The following DCC variants were observed in gnomAD, a reference collection of about 807,000 sequenced individuals.
The protein encoded by DCC is DCC netrin 1 receptor.
DCC carries 58 observed loss-of-function variants against 172.5 expected under a neutral mutation model. That is an observed-to-expected ratio of 0.34 (90% CI 0.27 to 0.42). The LOEUF is 0.42. DCC is among the 10% of genes least tolerant of loss of function. The pLI is 1.00. For synonymous variants in DCC, 709 were observed against 644.5 expected, an observed-to-expected ratio of 1.10 and a Z score of -1.52; for missense variants, 1,740 against 1,791.0, an observed-to-expected ratio of 0.97 and a Z score of 0.51.
At chr18:52,819,986 C>T (rs961869081) in intron 2 of DCC, among the ~76,000 whole-genome samples, 2 of 152,118 alleles carry the variant, frequency 1.3e-5, no homozygotes, top group African/African-American at 2.4e-5. Context: ...TCCCAAAGTG[C>T]TGGGATTACA....
chr18:53,342,600 CTT>C (rs996297048), intron 15 of DCC, among the ~76,000 whole-genome samples: 2 of 150,356 alleles, frequency 1.3e-5, no homozygotes, highest in Non-Finnish European at 3.0e-5. Context: ...TAAAGTATAT[CTT>C]TATAATTTCT....
intron 2 of DCC, among the ~76,000 whole-genome samples, chr18:52,794,998 T>C (rs1299784123): frequency 1.3e-5 from 2 of 152,096 alleles, no homozygotes; most frequent in African/African-American, 4.8e-5. Context: ...TGATGTATTA[T>C]CTTTTCAATG....
rs568882676 is a variant in DCC, at chr18:53,021,028, G to A, written c.986-42277G>A. 4.6e-5 allele frequency among the ~76,000 whole-genome samples: 7 copies of A among 152,214 alleles called. No homozygotes were observed. The East Asian group carries it at 7.7e-4, about 17-fold the overall frequency. ...AACCAGCTGTGGCTTAGAAGCCAGG[G>A]AGCAGAGAGGAAAATATCCTGACCA... is the stretch of plus-strand genomic sequence containing the variant. On this transcript the variant is annotated intron_variant, in intron 5 of 28. Coordinates refer to ENST00000442544, the MANE Select transcript of DCC (RefSeq NM_005215.4).
intron 1 of DCC, among the ~76,000 whole-genome samples, chr18:52,545,427 T>C (rs1377605383): frequency 6.6e-6 from 1 of 152,146 alleles, no homozygotes; most frequent in Non-Finnish European, 1.5e-5. Flanking sequence ...CCAATCATAG[T>C]GTAACTTTTT....
intron 1 of DCC, among the ~76,000 whole-genome samples, chr18:52,345,200 G>C (rs2144228573): frequency 6.6e-6 from 1 of 152,220 alleles, no homozygotes; most frequent in South Asian, 2.1e-4. Context: ...TCTTAGCTTT[G>C]CCTGAGGCCA....
chr18:52,794,150 T>A (rs7233401), intron 2 of DCC, among the ~76,000 whole-genome samples: 9 of 151,974 alleles, frequency 5.9e-5, no homozygotes, highest in Non-Finnish European at 1.3e-4. Context: ...TGTTTCCACA[T>A]AAATTTTAGT....
At chr18:53,314,714 C>A (rs2057323733) in intron 13 of DCC, among the ~76,000 whole-genome samples, 2 of 152,100 alleles carry the variant, frequency 1.3e-5, no homozygotes, top group Non-Finnish European at 2.9e-5. Flanking sequence ...CACAGCCCAG[C>A]AAAGTTGAAG....
At chr18:52,665,260 T>C (rs982282419) in intron 1 of DCC, among the ~76,000 whole-genome samples, 1 of 152,166 alleles carries the variant, frequency 6.6e-6, no homozygotes, top group Admixed American at 6.5e-5. Context: ...GTTAGAATAT[T>C]TGGGTTTGCT....
chr18:52,723,820 TGAACC>T (rs1156894481), intron 1 of DCC, among the ~76,000 whole-genome samples: 2 of 152,040 alleles, frequency 1.3e-5, no homozygotes, highest in Non-Finnish European at 2.9e-5. Context: ...ACAGATGAAA[TGAACC>T]AGAGAGGTAA....
In DCC at chr18:53,162,616, A is replaced by G. The variant is rs541142604; in HGVS notation, c.1418+5104A>G. On this transcript the variant is annotated intron_variant, in intron 8 of 28. Coordinates refer to ENST00000442544, the MANE Select transcript of DCC (RefSeq NM_005215.4). ...CCTAAATATTCAAGAATCTTCCTCT[A>G]TTGAGATCTTTGCGCTTGCTCTTCA... Among the ~76,000 whole-genome samples the G allele has an allele frequency of 4.6e-5, 7 of 152,218 alleles. No homozygotes were observed. In the East Asian group the frequency reaches 1.2e-3, roughly 25 times the overall value.
chr18:52,529,659 C>A (rs998052643), intron 1 of DCC, among the ~76,000 whole-genome samples: 1 of 152,202 alleles, frequency 6.6e-6, no homozygotes, highest in Non-Finnish European at 1.5e-5. Flanking sequence ...AAGTCCATTT[C>A]CTTTTCCTCA....
rs187981189 is a variant in DCC, at chr18:53,019,863, C to T, written c.986-43442C>T. 4.6e-5 allele frequency among the ~76,000 whole-genome samples: 7 copies of T among 152,160 alleles called. No individual in the cohort carries two copies. The East Asian group carries it at 7.7e-4, about 17-fold the overall frequency. ...AAGCCTAACATGTTTATTGTCTGAC[C>T]CTTTACAAAAAGGACCTTCATTGAC... On this transcript the variant is annotated intron_variant, in intron 5 of 28. Transcript: ENST00000442544.
intron 1 of DCC, among the ~76,000 whole-genome samples, chr18:52,610,179 ATATATATATATATATATATAT>A (rs1238979237): frequency 0.025 from 216 of 8,748 alleles, 31 homozygotes; most frequent in Non-Finnish European, 0.031. Flanking sequence ...AAAAAAAAAA[ATATATATATATATATATATAT>A]ATATATATAT....
intron 17 of DCC, among the ~76,000 whole-genome samples, chr18:53,394,452 C>T (rs186520672): frequency 1.8e-4 from 28 of 152,118 alleles, no homozygotes; most frequent in African/African-American, 5.8e-4. Context: ...TTTTGATTGT[C>T]TAAAACCCTG....
chr18:53,424,082 C>A (rs967471016), intron 21 of DCC, among the ~76,000 whole-genome samples: 3 of 152,100 alleles, frequency 2.0e-5, no homozygotes, highest in Non-Finnish European at 4.4e-5. Flanking sequence ...AATAGAAAAA[C>A]AAGTTCTCTG....
At chr18:53,008,163 ATTTGT>A (rs2041673519) in intron 5 of DCC, among the ~76,000 whole-genome samples, 1 of 151,882 alleles carries the variant, frequency 6.6e-6, no homozygotes. Flanking sequence ...TCTTTTTGTG[ATTTGT>A]TTTGAATATC....
chr18:52,780,003 A>T (rs940445537), intron 2 of DCC, among the ~76,000 whole-genome samples: 2 of 152,214 alleles, frequency 1.3e-5, no homozygotes, highest in South Asian at 4.1e-4. Flanking sequence ...AGAAATTGAC[A>T]TCTTTACAGT....
At chr18:52,727,316 A>T (rs1022088783) in intron 1 of DCC, among the ~76,000 whole-genome samples, 1 of 152,176 alleles carries the variant, frequency 6.6e-6, no homozygotes, top group African/African-American at 2.4e-5. Context: ...TTCAATGGGA[A>T]ATTTCTTAGT....
At chr18:53,429,117 T>TTA (rs372730155) in intron 21 of DCC, among the ~76,000 whole-genome samples, 2,845 of 38,738 alleles carry the variant, frequency 0.073, 344 homozygotes, top group Middle Eastern at 0.15. Context: ...TATATATATT[T>TTA]TATATATATA....
Sources: allele counts gnomAD v4.1 joint callset (sites outside exome capture counted in the v4.1 genomes callset), GRCh38; gene constraint gnomAD v4.1.1; transcripts MANE v1.5; gene names NCBI Gene and HGNC (gene_info 2026-07-23, HGNC 2026-07-21).